Variants in RYR3 observed in about 807,000 individuals in gnomAD.
The protein encoded by RYR3 is brain ryanodine receptor-calcium release channel.
RYR3 carries 207 observed loss-of-function variants against 584.3 expected under a neutral mutation model. The ratio of observed to expected loss-of-function variants is 0.35; its 90% confidence interval spans 0.32 to 0.40. The LOEUF is 0.40. Ranked by LOEUF, RYR3 falls within the 10% of genes least tolerant of loss-of-function variation. The pLI, the probability that RYR3 is intolerant of heterozygous loss-of-function variation, is 1.00. For synonymous variants in RYR3, 2,416 were observed against 2,248.5 expected (o/e 1.07, Z -2.11); for missense variants, 5,616 against 6,089.2 (o/e 0.92, Z 2.59).
At chr15:33,489,051 C>T (rs1424443330) in intron 2 of RYR3, among the ~76,000 whole-genome samples, 1 of 152,162 alleles carries the variant, frequency 6.6e-6, no homozygotes, top group African/African-American at 2.4e-5. Flanking sequence ...TCTGGCTTTG[C>T]TCTCCTTCTA....
Position 33,652,767 on chromosome 15 carries a change from A to G in RYR3, c.4192A>G (p.Ser1398Gly). ...GGTCTGGGGTGGAGACATTGTAGCCAGTTCCCAGAGATCAAATCGGAGCAA... is the reference window on the plus strand; with the variant it reads ...GGTCTGGGGTGGAGACATTGTAGCCGGTTCCCAGAGATCAAATCGGAGCAA... The part of the protein sequence containing the change: ...YMVWGGDIVA[S>G]SQRSNRSNVD... The change falls in exon 32 of 104, where the codon AGT (serine) becomes GGT (glycine). Residue 1398 changes from serine to glycine, a missense_variant. This residue lies in a region of RYR3 where 753 missense variants were observed against 741.0 expected (regional missense o/e 1.02). Coordinates refer to ENST00000634891, the MANE Select transcript of RYR3 (RefSeq NM_001036.6). 1.2e-6 allele frequency: 2 copies of G among 1,613,866 alleles called. No individual in the cohort carries two copies. Among genetic ancestry groups the G allele is most frequent in the Non-Finnish European group, 1.7e-6 (2 of 1,179,806 alleles).
At chr15:33,404,019 A>C (rs745504410) in intron 1 of RYR3, among the ~76,000 whole-genome samples, 2 of 152,240 alleles carry the variant, frequency 1.3e-5, no homozygotes, top group African/African-American at 2.4e-5. Flanking sequence ...GTATGGGTAC[A>C]TCTTGCTTAT....
intron 43 of RYR3, among the ~76,000 whole-genome samples, chr15:33,715,040 T>C (rs907310892): frequency 2.4e-4 from 37 of 152,236 alleles, no homozygotes; most frequent in African/African-American, 5.5e-4. Flanking sequence ...AAGGCAAGTG[T>C]TGAATAACAT....
intron 61 of RYR3, 28 bp from the exon 62 acceptor site, chr15:33,769,084 G>A: frequency 1.3e-6 from 2 of 1,574,984 alleles, no homozygotes; most frequent in East Asian, 2.2e-5. Context: ...TGGTTTGAGG[G>A]AATCACAGAT....
intron 49 of RYR3, among the ~76,000 whole-genome samples, chr15:33,736,529 T>C (rs1352951104): frequency 6.6e-6 from 1 of 152,214 alleles, no homozygotes; most frequent in Non-Finnish European, 1.5e-5. Flanking sequence ...TCCAATTTTC[T>C]TTAACTGCTT....
At chr15:33,516,324 C>T (rs1388835438) in intron 3 of RYR3, among the ~76,000 whole-genome samples, 1 of 151,504 alleles carries the variant, frequency 6.6e-6, no homozygotes, top group Non-Finnish European at 1.5e-5. Context: ...CCAAAAGACT[C>T]GTATCTGTAA....
chr15:33,742,129 C>A (rs2070203274), intron 51 of RYR3, among the ~76,000 whole-genome samples: 1 of 152,190 alleles, frequency 6.6e-6, no homozygotes, highest in Non-Finnish European at 1.5e-5. Context: ...GCCTTCCCAG[C>A]CAAGGCTCCT....
At chr15:33,828,914 T>C (rs1036116531) in intron 85 of RYR3, among the ~76,000 whole-genome samples, 1 of 152,110 alleles carries the variant, frequency 6.6e-6, no homozygotes, top group Non-Finnish European at 1.5e-5. Context: ...AGGACTTTCA[T>C]AGTTAGAGAG....
chr15:33,317,044 A>G (rs1255946528), intron 1 of RYR3, among the ~76,000 whole-genome samples: 1 of 152,238 alleles, frequency 6.6e-6, no homozygotes, highest in Non-Finnish European at 1.5e-5. Flanking sequence ...TCCTCCCAGG[A>G]TCCCAGCCAC....
At chr15:33,591,054 A>G (rs968610945) in intron 16 of RYR3, among the ~76,000 whole-genome samples, 2 of 152,172 alleles carry the variant, frequency 1.3e-5, no homozygotes, top group Non-Finnish European at 2.9e-5. Context: ...TGCCCACTCC[A>G]TATTTTCTGA....
chr15:33,452,136 C>T (rs1184439668), intron 1 of RYR3, among the ~76,000 whole-genome samples: 5 of 152,168 alleles, frequency 3.3e-5, no homozygotes, highest in African/African-American at 7.2e-5. Context: ...CCAAAGGCTG[C>T]GATCCAGCCT....
intron 49 of RYR3, 103 bp from the exon 50 acceptor site, chr15:33,738,347 C>T (rs1656269293): frequency 5.9e-6 from 7 of 1,196,486 alleles, no homozygotes; most frequent in Non-Finnish European, 8.2e-6. Context: ...ATGTTTCATT[C>T]TCATGGTCTC....
Position 33,540,821 on chromosome 15 carries a change from G to A in RYR3, c.577G>A (p.Val193Met). ...HLSVSNGNIQ[V>M]DASFMQTLWN... ...CTCAGTATCAAATGGTAACATACAA[G>A]TGGATGCCTCCTTTATGCAAACACT... Residue 193 changes from valine (V) to methionine (M), a missense_variant, in exon 7 of 104, where the codon GTG becomes ATG. By Grantham distance (21) the Val-to-Met change is conservative. Coordinates refer to ENST00000634891, the MANE Select transcript of RYR3 (RefSeq NM_001036.6). 6.2e-7 allele frequency: 1 copy of A among 1,611,962 alleles called. No homozygotes were observed. Among genetic ancestry groups the A allele is most frequent in the South Asian group, 1.1e-5 (1 of 91,004 alleles).
chr15:33,435,177 A>G (rs1048812285), intron 1 of RYR3, among the ~76,000 whole-genome samples: 1 of 152,152 alleles, frequency 6.6e-6, no homozygotes, highest in Non-Finnish European at 1.5e-5. Flanking sequence ...GTAAATTTGT[A>G]TCACTAGGGC....
intron 12 of RYR3, among the ~76,000 whole-genome samples, chr15:33,577,593 C>CT (rs1342973520): frequency 6.6e-6 from 1 of 152,142 alleles, no homozygotes; most frequent in African/African-American, 2.4e-5. Context: ...GGACCCCTTC[C>CT]TTACACCTTA....
intron 1 of RYR3, among the ~76,000 whole-genome samples, chr15:33,439,091 T>C (rs2045992217): frequency 6.6e-6 from 1 of 152,222 alleles, no homozygotes; most frequent in Non-Finnish European, 1.5e-5. Context: ...GTTTCCTTTT[T>C]TGTTATTGCT....
chr15:33,451,775 T>G (rs977267737), intron 1 of RYR3, among the ~76,000 whole-genome samples: 1 of 152,212 alleles, frequency 6.6e-6, no homozygotes, highest in African/African-American at 2.4e-5. Flanking sequence ...CTTTATAGTT[T>G]ATAGGATGCA....
intron 60 of RYR3, among the ~76,000 whole-genome samples, chr15:33,765,632 C>CAAGAAA (rs2072972055): frequency 1.6e-5 from 1 of 60,952 alleles, no homozygotes; most frequent in Non-Finnish European, 3.3e-5. Flanking sequence ...GACTCCGTCT[C>CAAGAAA]AAAAAAAAAA....
At chr15:33,627,044 C>G (rs2061027691) in intron 20 of RYR3, among the ~76,000 whole-genome samples, 1 of 152,242 alleles carries the variant, frequency 6.6e-6, no homozygotes, top group South Asian at 2.1e-4. Context: ...ATCCTCTGGA[C>G]TCTAGAATAG....
Sources: gnomAD v4.1 joint callset for allele counts (sites outside exome capture counted in the v4.1 genomes callset) on GRCh38, gnomAD v4.1.1 for gene constraint, gnomAD v4.1.1 regional missense constraint, MANE v1.5 for transcripts, NCBI Gene and HGNC (gene_info 2026-07-23, HGNC 2026-07-21) for gene names.